The following EGFLAM variants were observed in gnomAD, a reference collection of about 807,000 sequenced individuals.
The protein encoded by EGFLAM is pikachurin.
A neutral mutation model predicts 113.1 loss-of-function variants in EGFLAM; 79 were observed. That is an observed-to-expected ratio of 0.70 (90% confidence interval 0.58 to 0.84). The LOEUF is 0.84. EGFLAM is among the 40% of genes least tolerant of loss of function. The pLI, the probability that EGFLAM is intolerant of heterozygous loss-of-function variation, is 0.00. For synonymous variants in EGFLAM, 504 were observed against 487.6 expected (o/e 1.03, Z -0.44); for missense variants, 1,265 against 1,291.6 (o/e 0.98, Z 0.32).
intron 6 of EGFLAM, among the ~76,000 whole-genome samples, chr5:38,392,444 AATGATTTAT>A (rs1740837208): frequency 6.6e-6 from 1 of 152,196 alleles, no homozygotes; most frequent in South Asian, 2.1e-4. Flanking sequence ...TTTATGGTAG[AATGATTTAT>A]ATTCCTCTGG....
chr5:38,312,148 T>C (rs1282801056), intron 1 of EGFLAM, among the ~76,000 whole-genome samples: 2 of 152,182 alleles, frequency 1.3e-5, no homozygotes, highest in Non-Finnish European at 2.9e-5. Flanking sequence ...AGTGCTGGCT[T>C]TGGAGCCAAT....
intron 1 of EGFLAM, among the ~76,000 whole-genome samples, chr5:38,269,122 T>A (rs1579705708): frequency 6.6e-6 from 1 of 152,016 alleles, no homozygotes; most frequent in South Asian, 2.1e-4. Flanking sequence ...GAGGCTGCAG[T>A]GCAACATGAT....
At chr5:38,301,491 CAG>C (rs1315612781) in intron 1 of EGFLAM, among the ~76,000 whole-genome samples, 1 of 152,002 alleles carries the variant, frequency 6.6e-6, no homozygotes, top group Non-Finnish European at 1.5e-5. Flanking sequence ...GAATCGGAGA[CAG>C]TGGGTATAGA....
intron 6 of EGFLAM, among the ~76,000 whole-genome samples, chr5:38,382,786 T>A (rs1740544320): frequency 6.6e-6 from 1 of 152,254 alleles, no homozygotes; most frequent in South Asian, 2.1e-4. Context: ...TACCAGCTTC[T>A]TATTCCCACT....
At chr5:38,393,611 G>C (rs753038305) in intron 6 of EGFLAM, among the ~76,000 whole-genome samples, 5 of 152,154 alleles carry the variant, frequency 3.3e-5, no homozygotes, top group Non-Finnish European at 7.3e-5. Context: ...GACCCCCTTC[G>C]TGGGCTGGAA....
At chr5:38,388,587 A>AAAAT (rs1554010580) in intron 6 of EGFLAM, among the ~76,000 whole-genome samples, 3 of 150,724 alleles carry the variant, frequency 2.0e-5, no homozygotes, top group African/African-American at 7.4e-5. Context: ...CTACTAAAAA[A>AAAAT]ATATATATAT....
At chr5:38,342,725 G>A (rs748938046) in intron 3 of EGFLAM, among the ~76,000 whole-genome samples, 1 of 152,074 alleles carries the variant, frequency 6.6e-6, no homozygotes, top group Non-Finnish European at 1.5e-5. Context: ...GAATGTTTAG[G>A]GTGGTGGTCT....
At chr5:38,442,491 G>T (rs1011937125) in intron 17 of EGFLAM, among the ~76,000 whole-genome samples, 1 of 150,828 alleles carries the variant, frequency 6.6e-6, no homozygotes, top group Non-Finnish European at 1.5e-5. Flanking sequence ...AATTGGAAAA[G>T]AGAGGTTATT....
chr5:38,267,232 C>T (rs143050183), intron 1 of EGFLAM, among the ~76,000 whole-genome samples: 520 of 152,306 alleles, frequency 3.4e-3, no homozygotes, highest in Non-Finnish European at 5.5e-3. Flanking sequence ...TGACAGGGCA[C>T]CCAAAATCCC....
chr5:38,392,320 G>A (rs1331940911), intron 6 of EGFLAM, among the ~76,000 whole-genome samples: 1 of 152,172 alleles, frequency 6.6e-6, no homozygotes. Context: ...AGTATTCCAT[G>A]ATGTATATGT....
chr5:38,281,371 TA>T (rs5867401), intron 1 of EGFLAM, among the ~76,000 whole-genome samples: 65,277 of 151,286 alleles, frequency 0.43, 14,459 homozygotes, highest in Middle Eastern at 0.56. Context: ...AATAATTTTA[TA>T]AAAAAAAATC....
intron 6 of EGFLAM, among the ~76,000 whole-genome samples, chr5:38,396,780 T>C (rs890405360): frequency 6.6e-6 from 1 of 152,240 alleles, no homozygotes; most frequent in Non-Finnish European, 1.5e-5. Flanking sequence ...AAAGATGGCC[T>C]TGGGTTTTCC....
intron 5 of EGFLAM, among the ~76,000 whole-genome samples, chr5:38,357,957 G>A (rs910063106): frequency 1.4e-5 from 2 of 144,506 alleles, no homozygotes; most frequent in African/African-American, 2.5e-5. Context: ...CTGCCTCACG[G>A]GTTAAGTGAA....
In EGFLAM at chr5:38,321,979, G is replaced by A. The variant is rs1738754942; in HGVS notation, c.98-15541G>A. Among the ~76,000 whole-genome samples, 5 of 152,278 alleles carry A rather than the reference G, an allele frequency of 3.3e-5. No homozygotes were observed. In the South Asian group the frequency reaches 1.0e-3, roughly 32 times the overall value. On this transcript the variant is annotated intron_variant, in intron 1 of 21. Transcript: ENST00000322350. Reference sequence around the variant, plus strand: ...AGTACACTTTCATAATGACCAGAAAGAGCAGGTTCAAATTCCAATTTCTCA... The same window carrying A: ...AGTACACTTTCATAATGACCAGAAAAAGCAGGTTCAAATTCCAATTTCTCA...
At chr5:38,308,032 T>C (rs1216234863) in intron 1 of EGFLAM, among the ~76,000 whole-genome samples, 2 of 152,244 alleles carry the variant, frequency 1.3e-5, no homozygotes, top group Non-Finnish European at 2.9e-5. Flanking sequence ...ATCACCATAC[T>C]GTTGTGTGGG....
intron 1 of EGFLAM, among the ~76,000 whole-genome samples, chr5:38,307,361 A>T (rs1758747696): frequency 6.6e-6 from 1 of 152,142 alleles, no homozygotes; most frequent in Non-Finnish European, 1.5e-5. Flanking sequence ...AATCATGGGG[A>T]TGGTATCCCT....
At chr5:38,273,353 C>T (rs1054451845) in intron 1 of EGFLAM, among the ~76,000 whole-genome samples, 6 of 152,222 alleles carry the variant, frequency 3.9e-5, no homozygotes, top group Non-Finnish European at 8.8e-5. Context: ...GAACACATAG[C>T]CCCTGCAAGA....
intron 20 of EGFLAM, among the ~76,000 whole-genome samples, chr5:38,459,196 T>G (rs1409737778): frequency 2.6e-5 from 4 of 152,034 alleles, no homozygotes. Context: ...GTGCACCATC[T>G]GCCTTGCTAT....
At chr5:38,395,040 A>G (rs1344463518) in intron 6 of EGFLAM, among the ~76,000 whole-genome samples, 1 of 151,948 alleles carries the variant, frequency 6.6e-6, no homozygotes, top group East Asian at 1.9e-4. Context: ...TCCCGGATTC[A>G]AGCGATTTTC....
Sources: allele counts gnomAD v4.1 joint callset (sites outside exome capture counted in the v4.1 genomes callset), GRCh38; gene constraint gnomAD v4.1.1; transcripts MANE v1.5; gene names NCBI Gene and HGNC (gene_info 2026-07-23, HGNC 2026-07-21).